Variants in ZSWIM6 observed in about 807,000 individuals in gnomAD.
ZSWIM6 encodes zinc finger SWIM-type containing 6, also known as zinc finger SWIM domain-containing protein 6.
ZSWIM6 carries 9 observed loss-of-function variants against 113.2 expected under a neutral mutation model. The ratio of observed to expected loss-of-function variants is 0.08; its 90% CI spans 0.05 to 0.14. ZSWIM6 has a LOEUF of 0.14. Among genes scored for constraint, ZSWIM6 ranks in the 10% least tolerant of loss-of-function variants. ZSWIM6 has a pLI of 1.00. For missense variants in ZSWIM6, 1,162 were observed against 1,552.2 expected (o/e 0.75, Z 4.22); for synonymous variants, 611 against 606.5 (o/e 1.01, Z -0.11).
intron 5 of ZSWIM6, among the ~76,000 whole-genome samples, chr5:61,522,110 G>A (rs937404638): frequency 7.5e-6 from 1 of 134,116 alleles, no homozygotes; most frequent in Non-Finnish European, 1.6e-5. Context: ...TTTGTTTTTT[G>A]TTTTTTTTTA....
chr5:61,332,611 C>A lies in ZSWIM6; in HGVS notation c.339C>A (p.Ser113=). The change falls in exon 1 of 14, where the codon TCC becomes TCA. Residue 113 remains serine (S), a synonymous_variant. Transcript: ENST00000252744. The part of the protein sequence containing the change: ...EPVQRRIVYW[S]FPRSEREICM... Reference sequence around the variant, plus strand: ...TGCAGCGCCGCATAGTCTATTGGTCCTTCCCCCGCAGCGAGCGGGAGATCT... The same window carrying A: ...TGCAGCGCCGCATAGTCTATTGGTCATTCCCCCGCAGCGAGCGGGAGATCT... 7.8e-7 allele frequency: 1 copy of A among 1,279,322 alleles called. No individual in the cohort carries two copies. Among genetic ancestry groups the A allele is most frequent in the Non-Finnish European group, 1.0e-6 (1 of 979,960 alleles). 79.2% of individuals were successfully genotyped at this position (1,279,322 alleles called of 1,614,324 possible). A position where few individuals can be genotyped will look rare whatever the true frequency, so the allele number is the denominator to read the frequency against.
intron 1 of ZSWIM6, among the ~76,000 whole-genome samples, chr5:61,353,103 A>G (rs537495188): frequency 2.6e-5 from 4 of 152,146 alleles, no homozygotes; most frequent in African/African-American, 4.8e-5. Context: ...TCAAGTTAAC[A>G]TAAGTAGCAG....
At chr5:61,437,493 T>C (rs1746734583) in intron 1 of ZSWIM6, among the ~76,000 whole-genome samples, 1 of 151,918 alleles carries the variant, frequency 6.6e-6, no homozygotes, top group African/African-American at 2.4e-5. Flanking sequence ...GAAGCTGAGG[T>C]GGGCAGATTG....
intron 1 of ZSWIM6, among the ~76,000 whole-genome samples, chr5:61,465,992 C>A (rs1747426533): frequency 6.6e-6 from 1 of 152,064 alleles, no homozygotes; most frequent in Admixed American, 6.6e-5. Flanking sequence ...GGATGCAGTC[C>A]CTTTAATTTA....
At chr5:61,506,118 A>C (rs970159403) in intron 4 of ZSWIM6, among the ~76,000 whole-genome samples, 2 of 152,172 alleles carry the variant, frequency 1.3e-5, no homozygotes, top group African/African-American at 4.8e-5. Context: ...TGGTTAAGTG[A>C]TAACCAATTG....
At chr5:61,383,386 G>T (rs1745524671) in intron 1 of ZSWIM6, among the ~76,000 whole-genome samples, 1 of 152,100 alleles carries the variant, frequency 6.6e-6, no homozygotes, top group Non-Finnish European at 1.5e-5. Flanking sequence ...CATGTGCCTG[G>T]CTGGCTTTCT....
At chr5:61,407,600 A>C (rs75130258) in intron 1 of ZSWIM6, among the ~76,000 whole-genome samples, 2,142 of 152,304 alleles carry the variant, frequency 0.014, 23 homozygotes, top group Non-Finnish European at 0.021. Context: ...CATACACAAA[A>C]CACTGCTTTT....
chr5:61,437,177 A>G (rs1396463244), intron 1 of ZSWIM6, among the ~76,000 whole-genome samples: 1 of 152,234 alleles, frequency 6.6e-6, no homozygotes, highest in East Asian at 1.9e-4. Flanking sequence ...TGTAAAAGGT[A>G]GAGTGGGGTG....
chr5:61,373,221 T>TA (rs1745302806), intron 1 of ZSWIM6, among the ~76,000 whole-genome samples: 1 of 152,074 alleles, frequency 6.6e-6, no homozygotes, highest in Admixed American at 6.5e-5. Context: ...TGCTTGGGAT[T>TA]ACAGGCATGA....
chr5:61,353,854 T>TAACA (rs1744841065), intron 1 of ZSWIM6, among the ~76,000 whole-genome samples: 1 of 152,188 alleles, frequency 6.6e-6, no homozygotes, highest in Admixed American at 6.5e-5. Context: ...CAGATGAGTA[T>TAACA]AACAAGCTGT....
chr5:61,361,212 A>C (rs1745027070), intron 1 of ZSWIM6, among the ~76,000 whole-genome samples: 1 of 152,002 alleles, frequency 6.6e-6, no homozygotes, highest in African/African-American at 2.4e-5. Context: ...GCTTCCTTTT[A>C]ATTATCCTGT....
chr5:61,530,368 C>G (rs562160921), intron 8 of ZSWIM6, among the ~76,000 whole-genome samples, 170 bp downstream of exon 8: 7 of 152,288 alleles, frequency 4.6e-5, no homozygotes, highest in Admixed American at 2.6e-4. Flanking sequence ...CAGGCTGCTA[C>G]AAAACTGGGA....
At chr5:61,510,047 G>C (rs1273540534) in intron 4 of ZSWIM6, among the ~76,000 whole-genome samples, 2 of 151,928 alleles carry the variant, frequency 1.3e-5, no homozygotes, top group Non-Finnish European at 1.5e-5. Flanking sequence ...GATGAGGTTA[G>C]AAATTATCGT....
intron 1 of ZSWIM6, among the ~76,000 whole-genome samples, chr5:61,459,451 T>C (rs1384871069): frequency 6.6e-6 from 1 of 152,208 alleles, no homozygotes; most frequent in African/African-American, 2.4e-5. Context: ...TAGTGTATAG[T>C]ATTAGTGGAA....
intron 1 of ZSWIM6, chr5:61,375,262 G>C: frequency 1.2e-6 from 2 of 1,612,802 alleles, no homozygotes; most frequent in Non-Finnish European, 1.7e-6. Context: ...ACTAGAAAAG[G>C]AAAAGAAAGG....
chr5:61,498,576 T>C (rs372859804), intron 4 of ZSWIM6, among the ~76,000 whole-genome samples: 24 of 152,188 alleles, frequency 1.6e-4, no homozygotes, highest in South Asian at 2.1e-4. Flanking sequence ...TTGAGTGGTA[T>C]ACAGATTCAG....
At chr5:61,493,694 A>G (rs1053136416) in intron 3 of ZSWIM6, among the ~76,000 whole-genome samples, 9 of 152,162 alleles carry the variant, frequency 5.9e-5, no homozygotes, top group South Asian at 2.1e-4. Flanking sequence ...TATGCAAGGA[A>G]ACAGCAGCAC....
rs1161921539 is a variant in ZSWIM6 at position 61,356,708 on chromosome 5, A to G, written c.676+23760A>G. 1.1e-4 allele frequency among the ~76,000 whole-genome samples: 13 copies of G among 123,440 alleles called. No individual in the cohort carries two copies. The Admixed American group carries it at 1.1e-3, about 11-fold the overall frequency. The allele number at this position is 123,440 out of a possible 152,430, so 81.0% of individuals were successfully genotyped here. ...TATATAATATACATATTTTATATAT[A>G]TAATATATATAACATAATATATAAT... On this transcript the variant is annotated intron_variant, in intron 1 of 13. Coordinates refer to ENST00000252744, the MANE Select transcript of ZSWIM6 (RefSeq NM_020928.2).
At chr5:61,433,550 G>A (rs924770818) in intron 1 of ZSWIM6, among the ~76,000 whole-genome samples, 1 of 149,582 alleles carries the variant, frequency 6.7e-6, no homozygotes, top group Non-Finnish European at 1.5e-5. Flanking sequence ...TTGGCTCACC[G>A]CAACCTCCGC....
Sources: gnomAD v4.1 joint callset for allele counts (sites outside exome capture counted in the v4.1 genomes callset) on GRCh38, gnomAD v4.1.1 for gene constraint, MANE v1.5 for transcripts, NCBI Gene and HGNC (gene_info 2026-07-23, HGNC 2026-07-21) for gene names.